The following ATP10D variants were observed in gnomAD, a reference collection of about 807,000 sequenced individuals.
ATP10D encodes the protein phospholipid-transporting ATPase VD.
Under a neutral mutation model 144.8 loss-of-function variants are expected in ATP10D, and 89 were observed. That is an observed-to-expected ratio of 0.61 (90% CI 0.52 to 0.73). The LOEUF (loss-of-function observed/expected upper bound fraction) is 0.73. Ranked by LOEUF, ATP10D falls within the 30% of genes least tolerant of loss-of-function variation. The pLI is 0.00. For synonymous variants in ATP10D, 571 were observed against 615.1 expected (o/e 0.93, Z 1.06); for missense variants, 1,603 against 1,714.8 (o/e 0.93, Z 1.15).
intron 1 of ATP10D, among the ~76,000 whole-genome samples, chr4:47,503,321 C>T (rs894005736): frequency 4.6e-5 from 7 of 152,154 alleles, no homozygotes; most frequent in African/African-American, 1.4e-4. Flanking sequence ...CTTCTGTTTC[C>T]CCAACGTCAA....
intron 1 of ATP10D, among the ~76,000 whole-genome samples, chr4:47,505,333 GT>G (rs968420147): frequency 3.9e-5 from 6 of 152,148 alleles, no homozygotes; most frequent in Admixed American, 1.3e-4. Flanking sequence ...TCAGGGTGTG[GT>G]CCCCAGGACC....
chr4:47,492,820 A>G (rs566187325), intron 1 of ATP10D, among the ~76,000 whole-genome samples: 2 of 152,286 alleles, frequency 1.3e-5, no homozygotes, highest in East Asian at 1.9e-4. Flanking sequence ...CCACCTATCT[A>G]TCTTCATCAC....
chr4:47,535,442 T>G, intron 5 of ATP10D, 67 bp from the exon 6 acceptor site: 898 of 1,227,092 alleles, frequency 7.3e-4, no homozygotes, highest in Non-Finnish European at 9.2e-4. Context: ...TCAAGGGCCA[T>G]GAGATTTATT....
intron 5 of ATP10D, among the ~76,000 whole-genome samples, chr4:47,530,095 G>T (rs1717481713): frequency 6.6e-6 from 1 of 152,110 alleles, no homozygotes; most frequent in Non-Finnish European, 1.5e-5. Flanking sequence ...AGTAAACAAA[G>T]ATAATTTGAC....
intron 16 of ATP10D, among the ~76,000 whole-genome samples, chr4:47,571,284 TA>T (rs1414911486): frequency 6.7e-6 from 1 of 148,424 alleles, no homozygotes; most frequent in East Asian, 1.9e-4. Flanking sequence ...TATTACATTA[TA>T]ATTATATTTA....
intron 1 of ATP10D, among the ~76,000 whole-genome samples, chr4:47,510,453 T>G (rs1716263714): frequency 6.6e-6 from 1 of 152,184 alleles, no homozygotes; most frequent in Non-Finnish European, 1.5e-5. Context: ...CATGTACATT[T>G]AAAGATATTG....
rs138541186 is a variant in ATP10D at position 47,569,072 on chromosome 4, G to A, written c.3089G>A (p.Arg1030Gln). Residue 1030 changes from arginine to glutamine, a missense_variant, in exon 16 of 23, where the codon CGA (arginine) becomes CAA (glutamine). Coordinates refer to ENST00000273859, the MANE Select transcript of ATP10D (RefSeq NM_020453.4). ...TSWCQAVVCC[R>Q]ATPLQKSEVV... ...TGGTGTCAAGCTGTGGTCTGCTGCC[G>A]AGCCACACCGCTGCAGAAAAGTGAA... is the stretch of plus-strand genomic sequence containing the variant. 301 of 1,614,054 alleles carry A rather than the reference G, an allele frequency of 1.9e-4. No homozygotes were observed. Among genetic ancestry groups the A allele is most frequent in the Admixed American group, 3.3e-4 (20 of 59,998 alleles).
intron 22 of ATP10D, among the ~76,000 whole-genome samples, chr4:47,589,738 T>C (rs1720945652): frequency 6.6e-6 from 1 of 152,152 alleles, no homozygotes; most frequent in African/African-American, 2.4e-5. Flanking sequence ...TATGATGTTT[T>C]ATATAGAATT....
At position 47,548,339 on chromosome 4, in the gene ATP10D, C is replaced by A. The variant is rs139377928; in HGVS notation, c.1635+1477C>A. 9.2e-3 allele frequency among the ~76,000 whole-genome samples: 1,394 copies of A among 152,242 alleles called. 15 individuals are homozygous for A. The highest frequency in any genetic ancestry group is 0.014 in the Non-Finnish European group (936 of 68,014). On this transcript the variant is annotated intron_variant, in intron 10 of 22. Coordinates refer to ENST00000273859, the MANE Select transcript of ATP10D (RefSeq NM_020453.4). ...ATCAAATCTGGTGAAATATTTATTT[C>A]TTTAAGAACTAAATTAAAAATATCA...
intron 3 of ATP10D, among the ~76,000 whole-genome samples, chr4:47,522,259 G>A (rs532082588): frequency 2.8e-4 from 43 of 152,202 alleles, no homozygotes; most frequent in African/African-American, 6.3e-4. Flanking sequence ...AAAATGTATC[G>A]TGGAGCATAA....
intron 10 of ATP10D, among the ~76,000 whole-genome samples, chr4:47,549,921 A>G (rs1577674081): frequency 6.7e-6 from 1 of 150,036 alleles, no homozygotes; most frequent in African/African-American, 2.5e-5. Context: ...TGCAGGAGGA[A>G]TTGTCAGCAT....
chr4:47,531,873 T>C (rs1416631147), intron 5 of ATP10D, among the ~76,000 whole-genome samples: 1 of 152,132 alleles, frequency 6.6e-6, no homozygotes, highest in Non-Finnish European at 1.5e-5. Context: ...CCTAGCAGGA[T>C]GTATTTGGTT....
Position 47,593,414 on chromosome 4 carries a change from T to C in ATP10D, c.*2033T>C, listed in dbSNP as rs1721128799. On this transcript the variant is annotated 3_prime_UTR_variant, in exon 23 of 23. Transcript: ENST00000273859. ...CTACAAAAATATTAATATATTTCAT[T>C]ACTGAATGCTAAACTGTATTTCTTT... is the stretch of plus-strand genomic sequence containing the variant. The C allele has an allele frequency of 6.6e-6, 1 of 152,162 alleles. No individual in the cohort carries two copies. The highest frequency in any genetic ancestry group is 2.4e-5 in the African/African-American group (1 of 41,452). The allele number at this position is 152,162 out of a possible 1,614,324, so 9.4% of individuals were successfully genotyped here. A position where few individuals can be genotyped will look rare whatever the true frequency, so the allele number is the denominator to read the frequency against.
intron 9 of ATP10D, among the ~76,000 whole-genome samples, chr4:47,540,189 A>G (rs962227020): frequency 3.9e-5 from 6 of 152,202 alleles, no homozygotes; most frequent in African/African-American, 1.4e-4. Flanking sequence ...AAACTATTTT[A>G]ACAGTGTATC....
At chr4:47,493,814 G>A (rs1357998511) in intron 1 of ATP10D, among the ~76,000 whole-genome samples, 1 of 152,120 alleles carries the variant, frequency 6.6e-6, no homozygotes, top group Non-Finnish European at 1.5e-5. Context: ...GGGGGCGGCA[G>A]GGAGGGCAGA....
intron 19 of ATP10D, among the ~76,000 whole-genome samples, chr4:47,580,004 G>A (rs1219832630): frequency 6.6e-6 from 1 of 152,220 alleles, no homozygotes; most frequent in Admixed American, 6.5e-5. Flanking sequence ...TGGCTATCCA[G>A]CCATTCATAG....
At chr4:47,541,222 CTGTTGT>C (rs201983535) in intron 9 of ATP10D, among the ~76,000 whole-genome samples, 1 of 152,066 alleles carries the variant, frequency 6.6e-6, no homozygotes, top group African/African-American at 2.4e-5. Flanking sequence ...GCTGTTGTTA[CTGTTGT>C]TGTTGTTGTA....
chr4:47,555,276 G>A (rs1718925963), intron 11 of ATP10D, among the ~76,000 whole-genome samples: 1 of 152,180 alleles, frequency 6.6e-6, no homozygotes, highest in Admixed American at 6.5e-5. Flanking sequence ...AGGGATCTAG[G>A]TTGTGCCCTC....
chr4:47,563,594 T>G lies in ATP10D; in HGVS notation c.2682T>G (p.Ile894Met). 6.2e-7 allele frequency: 1 copy of G among 1,606,232 alleles called. No homozygotes were observed. The highest frequency in any genetic ancestry group is 8.5e-7 in the Non-Finnish European group (1 of 1,177,828). Residue 894 changes from isoleucine (I) to methionine (M), a missense_variant, in exon 15 of 23, where the codon ATT (isoleucine) becomes ATG (methionine). By Grantham distance (10) the Ile-to-Met change is conservative (BLOSUM62 1). Coordinates refer to ENST00000273859, the MANE Select transcript of ATP10D (RefSeq NM_020453.4). ...GTTATTTTTTAGGTGCTACTGGCAT[T>G]GAAGACCGTCTGCAGGAGGGAGTCC... is the stretch of plus-strand genomic sequence containing the variant. ...NKLTLLGATG[I>M]EDRLQEGVPE...
Sources: allele counts gnomAD v4.1 joint callset (sites outside exome capture counted in the v4.1 genomes callset), GRCh38; gene constraint gnomAD v4.1.1; transcripts MANE v1.5; gene names NCBI Gene and HGNC (gene_info 2026-07-23, HGNC 2026-07-21).